Variants in EFNA1 observed in about 807,000 individuals in gnomAD.
EFNA1 encodes ephrin-A1.
In EFNA1, 8 loss-of-function variants were observed where a neutral mutation model predicts 23.2. The observed-to-expected ratio is 0.34, with a 90% CI of 0.20 to 0.62. EFNA1 has a LOEUF of 0.62. Among genes scored for constraint, EFNA1 ranks in the 20% least tolerant of loss-of-function variants. EFNA1 has a pLI of 0.75. For missense variants in EFNA1, 217 were observed against 260.0 expected (o/e 0.83, Z 1.14); for synonymous variants, 89 against 98.6 (o/e 0.90, Z 0.58).
chr1:155,133,805 C>G (rs1664302156), intron 4 of EFNA1, 25 bp downstream of exon 4: 1 of 1,613,972 alleles, frequency 6.2e-7, no homozygotes, highest in Admixed American at 1.7e-5. Context: ...CAAACTGGGC[C>G]TGGGGCACAG....
In EFNA1 at chr1:155,131,362, T is replaced by C; in HGVS notation, c.116T>C (p.Ile39Thr). The change falls in exon 2 of 5, where the codon ATA becomes ACA. Residue 39 changes from isoleucine (I) to threonine (T), a missense_variant. By Grantham distance (89) the Ile-to-Thr change is moderately conservative. Coordinates refer to ENST00000368407, the MANE Select transcript of EFNA1 (RefSeq NM_004428.3). Reference sequence around the variant, plus strand: ...AGGTTCCGGAATGAGGACTACACCATACATGTGCAGCTGAATGACTACGTG... The same window carrying C: ...AGGTTCCGGAATGAGGACTACACCACACATGTGCAGCTGAATGACTACGTG... Reference protein sequence around the residue: ...NPKFRNEDYTIHVQLNDYVDI... With the variant: ...NPKFRNEDYTTHVQLNDYVDI... 2 of 1,613,654 alleles carry C rather than the reference T, an allele frequency of 1.2e-6. No homozygotes were observed. The highest frequency in any genetic ancestry group is 1.7e-6 in the Non-Finnish European group (2 of 1,179,620).
At chr1:155,128,834 G>A (rs746210857) in intron 1 of EFNA1, among the ~76,000 whole-genome samples, 3 of 152,180 alleles carry the variant, frequency 2.0e-5, no homozygotes, top group Non-Finnish European at 2.9e-5. Context: ...GTACTGGGAG[G>A]AAGACTCTGT....
intron 2 of EFNA1, among the ~76,000 whole-genome samples, chr1:155,132,342 G>A (rs542850515): frequency 4.6e-5 from 7 of 151,858 alleles, no homozygotes; most frequent in African/African-American, 7.2e-5. Context: ...TCTACCTCTC[G>A]GATTCAAGCA....
At position 155,134,150 on chromosome 1, in the gene EFNA1, A is replaced by G. The variant is rs562426563; in HGVS notation, c.*83A>G. On this transcript the variant is annotated 3_prime_UTR_variant, in exon 5 of 5. Coordinates refer to ENST00000368407, the MANE Select transcript of EFNA1 (RefSeq NM_004428.3). ...CCAAACCTGTCTTGGGGCCACTTTCAGAGCCCCCAGCCCTGGGAACCACTC... is the reference window on the plus strand; with the variant it reads ...CCAAACCTGTCTTGGGGCCACTTTCGGAGCCCCCAGCCCTGGGAACCACTC... The G allele has an allele frequency of 5.1e-6, 7 of 1,363,158 alleles. No homozygotes were observed. The African/African-American group carries it at 1.0e-4, about 20-fold the overall frequency. The allele number at this position is 1,363,158 out of a possible 1,614,324, so 84.4% of individuals were successfully genotyped here.
chr1:155,128,365 G>A (rs1664144812), intron 1 of EFNA1, among the ~76,000 whole-genome samples: 2 of 151,636 alleles, frequency 1.3e-5, no homozygotes, highest in Non-Finnish European at 2.9e-5. Flanking sequence ...CATAGACTTC[G>A]CCCCTGGCAG....
In EFNA1 at chr1:155,134,394, T is replaced by A; in HGVS notation, c.*327T>A. On this transcript the variant is annotated 3_prime_UTR_variant, in exon 5 of 5. Transcript: ENST00000368407. ...CCTTAAGGCACAGTGGGAGCTGAGC[T>A]GGAAGGGGCCACGTGGATGGGCAAA... is the stretch of plus-strand genomic sequence containing the variant. 1 of 365,178 alleles carries A rather than the reference T, an allele frequency of 2.7e-6. No individual in the cohort carries two copies. The highest frequency in any genetic ancestry group is 5.2e-6 in the Non-Finnish European group (1 of 193,280). 22.6% of individuals were successfully genotyped at this position (365,178 alleles called of 1,614,324 possible). A position where few individuals can be genotyped will look rare whatever the true frequency, so the allele number is the denominator to read the frequency against.
In EFNA1 at chr1:155,134,011, T is replaced by C. The variant is rs765183519; in HGVS notation, c.562T>C (p.Phe188Leu). The change falls in exon 5 of 5, where the codon TTC becomes CTC. Residue 188 changes from phenylalanine (F) to leucine (L), a missense_variant. Physicochemically the swap from Phe to Leu is conservative, Grantham distance 22. Transcript: ENST00000368407. ...SIGHSAAPRL[F>L]PLAWTVLLLP... The stretch of plus-strand genomic sequence containing the variant: ...CGGTCACAGTGCTGCCCCACGCCTC[T>C]TCCCACTTGCCTGGACTGTGCTGCT... 6.8e-6 allele frequency: 11 copies of C among 1,614,042 alleles called. No homozygotes were observed. Among genetic ancestry groups the C allele is most frequent in the Non-Finnish European group, 9.3e-6 (11 of 1,180,034 alleles).
rs1664140712 is a variant in EFNA1 at position 155,128,125 on chromosome 1, G to A, written c.92+56G>A. The A allele has an allele frequency of 1.1e-5, 17 of 1,500,402 alleles. No homozygotes were observed. In the South Asian group the frequency reaches 1.5e-4, roughly 13 times the overall value. The allele number at this position is 1,500,402 out of a possible 1,614,324, so 92.9% of individuals were successfully genotyped here. On this transcript the variant is annotated intron_variant, in intron 1 of 4. Coordinates refer to ENST00000368407, the MANE Select transcript of EFNA1 (RefSeq NM_004428.3). ...GGCTCCCGGCTGGCACTACCCCACC[G>A]GGATAACTGTCCCGGCCAAACCCTG... is the stretch of plus-strand genomic sequence containing the variant.
chr1:155,128,133 T>C, intron 1 of EFNA1, 64 bp downstream of exon 1: 1 of 1,452,340 alleles, frequency 6.9e-7, no homozygotes, highest in Non-Finnish European at 9.6e-7. Flanking sequence ...CCGGGATAAC[T>C]GTCCCGGCCA....
rs544090755 is a variant in EFNA1 at position 155,128,406 on chromosome 1, C to CT, written c.92+337_92+338insT. Among the ~76,000 whole-genome samples, 45 of 152,264 alleles carry CT rather than the reference C, an allele frequency of 3.0e-4. 1 individual carries two copies. In the South Asian group the frequency reaches 8.9e-3, roughly 30 times the overall value. ...GCCCTTGTTCCAGGCCCCCCACCCCCCCACTGTGAAAGCCTCCACGCCTCT... is the reference window on the plus strand; with the variant it reads ...GCCCTTGTTCCAGGCCCCCCACCCCCTCCACTGTGAAAGCCTCCACGCCTCT... On this transcript the variant is annotated intron_variant, in intron 1 of 4. Transcript: ENST00000368407.
At chr1:155,131,041 C>T (rs1664230532) in intron 1 of EFNA1, 2 of 985,196 alleles carry the variant, frequency 2.0e-6, no homozygotes, top group East Asian at 2.3e-4. Flanking sequence ...GGTAGAAGCC[C>T]ATCTAAATAT....
intron 1 of EFNA1, chr1:155,130,615 T>C: frequency 1.0e-6 from 1 of 985,198 alleles, no homozygotes; most frequent in Non-Finnish European, 1.2e-6. Context: ...AGGGTTGTTT[T>C]GGGGTGCTCT....
At chr1:155,130,736 T>C (rs1664222805) in intron 1 of EFNA1, 8 of 985,196 alleles carry the variant, frequency 8.1e-6, no homozygotes, top group Non-Finnish European at 9.6e-6. Flanking sequence ...TGGGGCATTA[T>C]CTGTGGGCCC....
chr1:155,131,916 A>G (rs1188866525), intron 2 of EFNA1, among the ~76,000 whole-genome samples: 4 of 152,178 alleles, frequency 2.6e-5, no homozygotes, highest in Non-Finnish European at 2.9e-5. Flanking sequence ...AGTGTGCTAC[A>G]GTAGACATGA....
rs202188712 is a variant in EFNA1 at position 155,127,929 on chromosome 1, G to A, written c.-49G>A. 4 of 1,482,092 alleles carry A rather than the reference G, an allele frequency of 2.7e-6. No individual in the cohort carries two copies. The highest frequency in any genetic ancestry group is 1.7e-5 in the Admixed American group (1 of 58,210). 91.8% of individuals were successfully genotyped at this position (1,482,092 alleles called of 1,614,324 possible). A position where few individuals can be genotyped will look rare whatever the true frequency, so the allele number is the denominator to read the frequency against. ...CGCGGAGAAAGCCAGTGGGAACCCA[G>A]ACCCATAGGAGACCCGCGTCCCCGC... On this transcript the variant is annotated 5_prime_UTR_variant, in exon 1 of 5. Transcript: ENST00000368407. This position sits in a 1 kb window ranked among gnomAD's most constrained non-coding sequence, Gnocchi z 4.4.
chr1:155,128,757 T>A lies in EFNA1; in HGVS notation c.92+688T>A, dbSNP rs115018509. 1.8e-3 allele frequency among the ~76,000 whole-genome samples: 267 copies of A among 152,200 alleles called. 1 individual carries two copies. The highest frequency in any genetic ancestry group is 6.2e-3 in the African/African-American group (259 of 41,518). On this transcript the variant is annotated intron_variant, in intron 1 of 4. Coordinates refer to ENST00000368407, the MANE Select transcript of EFNA1 (RefSeq NM_004428.3). ...GAATGAACAGAAGAGGTTAAAGGGG[T>A]TACAGAAGGTTCTGGGCAGGAAGGA... is the stretch of plus-strand genomic sequence containing the variant.
At chr1:155,133,888 TG>T in intron 4 of EFNA1, 66 bp from the exon 5 acceptor site, 1 of 1,605,436 alleles carries the variant, frequency 6.2e-7, no homozygotes, top group East Asian at 2.2e-5. Flanking sequence ...GGAATCCTGT[TG>T]GGCTGAGAGC....
intron 1 of EFNA1, chr1:155,130,396 C>A: frequency 1.8e-6 from 1 of 561,226 alleles, no homozygotes; most frequent in Non-Finnish European, 2.3e-6. Context: ...GGCTGGTGGG[C>A]AGTCAGGCTG....
rs1159608383 is a variant in EFNA1, at chr1:155,133,371, A to G, written c.389-132A>G. On this transcript the variant is annotated intron_variant, in intron 2 of 4. Transcript: ENST00000368407. ...GAAGTTAGCAAAAACTAAGGAGGGT[A>G]GGAATCAAGGTTAGAGGGAAGAGAA... 7 of 991,454 alleles carry G rather than the reference A, an allele frequency of 7.1e-6. 1 individual carries two copies. The highest frequency in any genetic ancestry group is 4.8e-5 in the African/African-American group (3 of 62,814). 61.4% of individuals were successfully genotyped at this position (991,454 alleles called of 1,614,324 possible).
Sources: allele counts gnomAD v4.1 joint callset (sites outside exome capture counted in the v4.1 genomes callset), GRCh38; gene constraint gnomAD v4.1.1; non-coding constraint Gnocchi (gnomAD v3.1); transcripts MANE v1.5; gene names NCBI Gene and HGNC (gene_info 2026-07-23, HGNC 2026-07-21).